NUP98: variants seen among roughly 807,000 people sequenced by gnomAD.
NUP98 encodes nucleoporin 98 and 96 precursor, also known as nuclear pore complex protein Nup98-Nup96.
Under a neutral mutation model 191.9 loss-of-function variants are expected in NUP98, and 26 were observed. The ratio of observed to expected loss-of-function variants is 0.14; its 90% confidence interval spans 0.10 to 0.19. The LOEUF (loss-of-function observed/expected upper bound fraction) is 0.19, where lower values mean the gene tolerates loss of function less well. NUP98 is among the 10% of genes least tolerant of loss of function. The probability of loss-of-function intolerance (pLI) is 1.00; values close to 1 mark genes in which losing one functional copy is unlikely to be tolerated. For missense variants in NUP98, 1,941 were observed against 2,178.8 expected (o/e 0.89, Z 2.17); for synonymous variants, 808 against 778.4 (o/e 1.04, Z -0.63).
intron 23 of NUP98, among the ~76,000 whole-genome samples, chr11:3,701,648 T>C (rs2078681235): frequency 6.6e-6 from 1 of 151,982 alleles, no homozygotes; most frequent in African/African-American, 2.4e-5. Flanking sequence ...TTCTTAATTG[T>C]GAGGTTCAAG....
chr11:3,782,191 GAATA>G, intron 1 of NUP98, 46 bp from the exon 2 acceptor site: 1 of 1,003,344 alleles, frequency 1.0e-6, no homozygotes, highest in Non-Finnish European at 1.5e-6. Context: ...CCACAAAATG[GAATA>G]TAATTGTTTT....
intron 18 of NUP98, among the ~76,000 whole-genome samples, chr11:3,716,266 C>T (rs181363795): frequency 6.6e-6 from 1 of 152,088 alleles, no homozygotes; most frequent in East Asian, 1.9e-4. Flanking sequence ...GGCATAACTT[C>T]ACTCTTTTGT....
chr11:3,772,340 C>T (rs1230046873), intron 6 of NUP98, among the ~76,000 whole-genome samples: 1 of 152,134 alleles, frequency 6.6e-6, no homozygotes, highest in African/African-American at 2.4e-5. Context: ...GTCTCAAGTC[C>T]GGATGTTCCT....
intron 21 of NUP98, 143 bp downstream of exon 21, chr11:3,706,302 T>C (rs1024057548): frequency 3.6e-5 from 25 of 693,082 alleles, no homozygotes; most frequent in East Asian, 1.1e-4. Context: ...GGCCCAGACA[T>C]TGGCCATATT....
chr11:3,797,316 C>G (rs1489025727), intron 1 of NUP98, 84 bp downstream of exon 1: 2 of 400,810 alleles, frequency 5.0e-6, no homozygotes, highest in East Asian at 3.6e-5. Flanking sequence ...CGGAGAGGCC[C>G]TGAGACGCCC....
intron 12 of NUP98, among the ~76,000 whole-genome samples, chr11:3,743,828 C>T (rs1001768109): frequency 1.2e-4 from 18 of 151,330 alleles, no homozygotes; most frequent in African/African-American, 2.9e-4. Flanking sequence ...CCGAGGTGGG[C>T]GGATCACGAG....
At chr11:3,706,140 G>T (rs1589996045) in intron 21 of NUP98, among the ~76,000 whole-genome samples, 1 of 151,986 alleles carries the variant, frequency 6.6e-6, no homozygotes, top group Non-Finnish European at 1.5e-5. Flanking sequence ...CTCCACTCCA[G>T]CCTGGGCGAC....
intron 6 of NUP98, among the ~76,000 whole-genome samples, chr11:3,773,148 T>C (rs1479754020): frequency 1.3e-5 from 2 of 152,202 alleles, no homozygotes; most frequent in South Asian, 2.1e-4. Context: ...ATGCCTGTTA[T>C]CCCAGCACAT....
chr11:3,746,789 G>GT (rs2080519362), intron 11 of NUP98, among the ~76,000 whole-genome samples: 1 of 151,550 alleles, frequency 6.6e-6, no homozygotes, highest in African/African-American at 2.4e-5. Flanking sequence ...GCACATGCCT[G>GT]TAATCCCAGC....
At chr11:3,739,118 T>C (rs1338220978) in intron 12 of NUP98, among the ~76,000 whole-genome samples, 1 of 152,020 alleles carries the variant, frequency 6.6e-6, no homozygotes, top group Non-Finnish European at 1.5e-5. Flanking sequence ...AATTCTTGTG[T>C]CAGGAACTTT....
rs899731778 is a variant in NUP98, at chr11:3,725,311, G to A, written c.1731-92C>T. The A allele has an allele frequency of 1.3e-4, 85 of 655,230 alleles. No homozygotes were observed. In the East Asian group the frequency reaches 2.1e-3, roughly 16 times the overall value. The allele number at this position is 655,230 out of a possible 1,614,324, so 40.6% of individuals were successfully genotyped here. A position where few individuals can be genotyped will look rare whatever the true frequency, so the allele number is the denominator to read the frequency against. ...ATCTTAAAAACTGGAGTCCAATGGTGCACTTCTGCTCAACTCTTGTACACC... is the reference window on the plus strand; with the variant it reads ...ATCTTAAAAACTGGAGTCCAATGGTACACTTCTGCTCAACTCTTGTACACC... On this transcript the variant is annotated intron_variant, in intron 14 of 32. Coordinates refer to ENST00000324932, the MANE Select transcript of NUP98 (RefSeq NM_016320.5).
rs143358503 is a variant in NUP98 at position 3,793,040 on chromosome 11, G to A, written c.-29+4360C>T. 8.3e-3 allele frequency among the ~76,000 whole-genome samples: 1,258 copies of A among 152,250 alleles called. 29 individuals carry two copies. The highest frequency in any genetic ancestry group is 0.024 in the South Asian group (118 of 4,826). On this transcript the variant is annotated intron_variant, in intron 1 of 32. Coordinates refer to ENST00000324932, the MANE Select transcript of NUP98 (RefSeq NM_016320.5). ...GCAGGAGAATTGCTTGAACCTGGGA[G>A]GCGGAGGTTGGAGTACGCTGAGATA...
intron 12 of NUP98, among the ~76,000 whole-genome samples, chr11:3,743,771 A>AG (rs2080380692): frequency 1.3e-5 from 2 of 150,356 alleles, no homozygotes; most frequent in Middle Eastern, 3.6e-3. Context: ...AAAACACCTC[A>AG]GGCTGTGCGT....
intron 8 of NUP98, among the ~76,000 whole-genome samples, chr11:3,766,822 T>G (rs1003011717): frequency 4.1e-4 from 62 of 152,214 alleles, no homozygotes; most frequent in Non-Finnish European, 1.6e-4. Flanking sequence ...TGTCAAATGT[T>G]TTTTCTGTAT....
chr11:3,690,294 G>C (rs1401640268), intron 28 of NUP98, among the ~76,000 whole-genome samples: 1 of 139,074 alleles, frequency 7.2e-6, no homozygotes, highest in African/African-American at 2.7e-5. Flanking sequence ...GAGTCTTGCT[G>C]TGTCGCCCAG....
At chr11:3,791,555 A>G (rs1388945589) in intron 1 of NUP98, among the ~76,000 whole-genome samples, 5 of 131,846 alleles carry the variant, frequency 3.8e-5, no homozygotes, top group African/African-American at 6.0e-5. Context: ...AAAAAAAAAA[A>G]AAAGAAAGGC....
At chr11:3,784,596 CA>C (rs60126486) in intron 1 of NUP98, among the ~76,000 whole-genome samples, 1 of 141,912 alleles carries the variant, frequency 7.0e-6, no homozygotes, top group East Asian at 2.0e-4. Context: ...AAAAAAAAAA[CA>C]AAAAAAAACA....
At chr11:3,752,792 G>A (rs1384652822) in intron 11 of NUP98, among the ~76,000 whole-genome samples, 1 of 152,132 alleles carries the variant, frequency 6.6e-6, no homozygotes, top group Non-Finnish European at 1.5e-5. Flanking sequence ...AAACAGCTGG[G>A]CAGGTAGAAG....
chr11:3,762,454 C>G (rs746186709), intron 9 of NUP98, among the ~76,000 whole-genome samples: 3 of 152,020 alleles, frequency 2.0e-5, no homozygotes. Context: ...CTCACAATAG[C>G]AAGTTCAAAG....
Sources: gnomAD v4.1 joint callset for allele counts (sites outside exome capture counted in the v4.1 genomes callset) on GRCh38, gnomAD v4.1.1 for gene constraint, MANE v1.5 for transcripts, NCBI Gene and HGNC (gene_info 2026-07-23, HGNC 2026-07-21) for gene names.